NT5M: variants seen among roughly 807,000 people sequenced by gnomAD.
NT5M encodes the protein 5'(3')-deoxyribonucleotidase, mitochondrial.
In NT5M, 22 loss-of-function variants were observed where a neutral mutation model predicts 22.2. The ratio of observed to expected loss-of-function variants is 0.99; its 90% CI spans 0.71 to 1.41. NT5M has a LOEUF of 1.41. NT5M is among the 40% of genes most tolerant of loss of function. NT5M has a pLI of 0.00. For synonymous variants in NT5M, 167 were observed against 133.0 expected (o/e 1.26, Z -1.76); for missense variants, 322 against 314.8 (o/e 1.02, Z -0.17).
At chr17:17,340,379 A>G (rs532968645) in intron 3 of NT5M, among the ~76,000 whole-genome samples, 1 of 151,622 alleles carries the variant, frequency 6.6e-6, no homozygotes, top group South Asian at 2.1e-4. Flanking sequence ...TTTTTTTCTT[A>G]GTCTGGCTAA....
intron 2 of NT5M, among the ~76,000 whole-genome samples, chr17:17,311,446 T>G (rs944550115): frequency 1.3e-5 from 2 of 152,232 alleles, no homozygotes; most frequent in African/African-American, 4.8e-5. Context: ...TTCATTCTTT[T>G]GCATGTAGAT....
intron 3 of NT5M, among the ~76,000 whole-genome samples, chr17:17,328,390 A>G (rs1467546115): frequency 2.6e-5 from 4 of 151,384 alleles, no homozygotes; most frequent in Non-Finnish European, 5.9e-5. Flanking sequence ...CAAGGGGAGA[A>G]GTGCGGGTGA....
intron 4 of NT5M, among the ~76,000 whole-genome samples, 178 bp from the exon 5 acceptor site, chr17:17,346,626 GC>G (rs990265159): frequency 2.0e-5 from 3 of 152,232 alleles, no homozygotes; most frequent in African/African-American, 7.2e-5. Context: ...CGGCCTCCTT[GC>G]CGCATCTCGT....
intron 2 of NT5M, among the ~76,000 whole-genome samples, chr17:17,316,046 T>C (rs774486929): frequency 3.0e-4 from 45 of 151,150 alleles, no homozygotes; most frequent in East Asian, 2.5e-3. Context: ...TGAGCCACCA[T>C]GCCCGGCCTT....
At chr17:17,316,522 C>T (rs2049031301) in intron 2 of NT5M, among the ~76,000 whole-genome samples, 2 of 149,514 alleles carry the variant, frequency 1.3e-5, no homozygotes, top group Admixed American at 6.7e-5. Flanking sequence ...ATTACAGGCG[C>T]CCGCCACCAC....
chr17:17,306,950 C>A (rs1309969072), intron 2 of NT5M, among the ~76,000 whole-genome samples: 1 of 152,194 alleles, frequency 6.6e-6, no homozygotes, highest in African/African-American at 2.4e-5. Flanking sequence ...GTAATCCCAG[C>A]ACTTTGGGAG....
chr17:17,311,212 C>T (rs2048915582), intron 2 of NT5M, among the ~76,000 whole-genome samples: 1 of 151,934 alleles, frequency 6.6e-6, no homozygotes, highest in African/African-American at 2.4e-5. Flanking sequence ...GTGGTGGGCG[C>T]CTGTAGTCCC....
At chr17:17,338,329 A>T (rs1223944439) in intron 3 of NT5M, among the ~76,000 whole-genome samples, 1 of 151,954 alleles carries the variant, frequency 6.6e-6, no homozygotes, top group Admixed American at 6.6e-5. Context: ...AGTAGCTGGG[A>T]CTACAGGCAT....
At chr17:17,318,610 ACT>A (rs1191544225) in intron 2 of NT5M, among the ~76,000 whole-genome samples, 1 of 150,918 alleles carries the variant, frequency 6.6e-6, no homozygotes, top group African/African-American at 2.4e-5. Flanking sequence ...ACATGGAGAA[ACT>A]CTGTCTCTAC....
chr17:17,341,768 T>C (rs57640663), intron 3 of NT5M, among the ~76,000 whole-genome samples: 9,395 of 152,260 alleles, frequency 0.062, 385 homozygotes, highest in South Asian at 0.13. Flanking sequence ...CAGTGGGTCA[T>C]GCCTGTAATC....
In NT5M at chr17:17,346,793, T is replaced by C; in HGVS notation, c.545-12T>C. 1.2e-6 allele frequency: 2 copies of C among 1,605,796 alleles called. No homozygotes were observed. Among genetic ancestry groups the C allele is most frequent in the Non-Finnish European group, 1.7e-6 (2 of 1,179,888 alleles). On this transcript the variant is annotated splice_polypyrimidine_tract_variant and intron_variant, in intron 4 of 4. Coordinates refer to ENST00000389022, the MANE Select transcript of NT5M (RefSeq NM_020201.4). ...TCCACTGCTGAGCTGAATGCCGCTTTCCCACCCACAGGGGCCGAGCCAACC... is the reference window on the plus strand; with the variant it reads ...TCCACTGCTGAGCTGAATGCCGCTTCCCCACCCACAGGGGCCGAGCCAACC...
intron 2 of NT5M, among the ~76,000 whole-genome samples, chr17:17,317,990 C>T (rs1245142867): frequency 1.3e-4 from 11 of 83,884 alleles, no homozygotes; most frequent in Non-Finnish European, 3.3e-4. Flanking sequence ...AAAAGTTAGA[C>T]ATAGACTCAC....
chr17:17,319,213 G>GAAA (rs36091965), intron 2 of NT5M, among the ~76,000 whole-genome samples: 6 of 133,156 alleles, frequency 4.5e-5, no homozygotes, highest in Non-Finnish European at 4.7e-5. Flanking sequence ...CCTCGTCTTA[G>GAAA]AAAAAAAAAA....
rs966635984 is a variant in NT5M at position 17,344,780 on chromosome 17, C to T, written c.430-14C>T. On this transcript the variant is annotated splice_polypyrimidine_tract_variant and intron_variant, in intron 3 of 4. Transcript: ENST00000389022. ...CTTTCTTCTCACCACCTGCCCTTGC[C>T]TGTTTGCGTCCAGTATGCCTGGGTG... The T allele has an allele frequency of 2.5e-6, 4 of 1,613,498 alleles. No individual in the cohort carries two copies. The highest frequency in any genetic ancestry group is 3.4e-6 in the Non-Finnish European group (4 of 1,179,548).
chr17:17,328,814 G>A (rs555546115), intron 3 of NT5M, among the ~76,000 whole-genome samples: 136 of 152,084 alleles, frequency 8.9e-4, no homozygotes, highest in Non-Finnish European at 1.1e-3. Context: ...CATTCAGGTT[G>A]CCAGAACCTT....
intron 2 of NT5M, among the ~76,000 whole-genome samples, chr17:17,313,882 TC>T (rs1365507977): frequency 2.0e-5 from 3 of 152,116 alleles, no homozygotes; most frequent in Admixed American, 1.3e-4. Flanking sequence ...CAGGGGACTC[TC>T]CTGAGATGGC....
intron 3 of NT5M, among the ~76,000 whole-genome samples, chr17:17,338,859 T>C (rs1247112531): frequency 6.6e-6 from 1 of 151,686 alleles, no homozygotes; most frequent in Non-Finnish European, 1.5e-5. Context: ...CCCAAGTAGC[T>C]GGGACTACAG....
intron 3 of NT5M, among the ~76,000 whole-genome samples, chr17:17,334,485 T>G (rs2049456726): frequency 1.3e-5 from 2 of 149,622 alleles, no homozygotes; most frequent in African/African-American, 4.9e-5. Context: ...GTAGTTTTTT[T>G]TTTTTTTTTT....
chr17:17,340,752 C>G (rs2049625075), intron 3 of NT5M, among the ~76,000 whole-genome samples: 1 of 152,078 alleles, frequency 6.6e-6, no homozygotes, highest in South Asian at 2.1e-4. Context: ...GTCTTGATCT[C>G]CTGACCTTGT....
Sources: gnomAD v4.1 joint callset for allele counts (sites outside exome capture counted in the v4.1 genomes callset) on GRCh38, gnomAD v4.1.1 for gene constraint, MANE v1.5 for transcripts, NCBI Gene and HGNC (gene_info 2026-07-23, HGNC 2026-07-21) for gene names.